ACSM3: variants seen among roughly 807,000 people sequenced by gnomAD.
ACSM3 encodes acyl-coenzyme A synthetase ACSM3, mitochondrial.
In ACSM3, 61 loss-of-function variants were observed where a neutral mutation model predicts 74.1. The observed-to-expected ratio is 0.82, with a 90% CI of 0.67 to 1.02. The LOEUF (loss-of-function observed/expected upper bound fraction) is 1.02, where lower values mean the gene tolerates loss of function less well. ACSM3 is among the 50% of genes least tolerant of loss of function. The pLI is 0.00. For missense variants in ACSM3, 660 were observed against 697.0 expected, an observed-to-expected ratio of 0.95 and a Z score of 0.60; for synonymous variants, 213 against 241.5, an observed-to-expected ratio of 0.88 and a Z score of 1.09.
chr16:20,675,751 C>CA (rs1358592582), intron 1 of ACSM3, among the ~76,000 whole-genome samples: 1 of 152,142 alleles, frequency 6.6e-6, no homozygotes, highest in Non-Finnish European at 1.5e-5. Flanking sequence ...GGAAGACAGC[C>CA]AGGGCATTCA....
At chr16:20,740,472 G>A (rs1410736802) in intron 1 of ACSM3, among the ~76,000 whole-genome samples, 3 of 152,190 alleles carry the variant, frequency 2.0e-5, no homozygotes, top group African/African-American at 7.2e-5. Context: ...GCCCCCTAGT[G>A]CCCAACGAAA....
At chr16:20,734,033 G>A (rs950060783) in intron 1 of ACSM3, 12 of 152,164 alleles carry the variant, frequency 7.9e-5, no homozygotes, top group African/African-American at 2.9e-4. Context: ...CTTTTAATGA[G>A]TTCAGGTTAC....
chr16:20,725,366 T>G (rs2079801141), intron 1 of ACSM3: 1 of 245,948 alleles, frequency 4.1e-6, no homozygotes, highest in Admixed American at 4.1e-5. Flanking sequence ...ATCCAGACAC[T>G]TACCACTTAT....
Position 20,742,597 on chromosome 16 carries a change from C to T in ACSM3, c.-189-7313C>T, listed in dbSNP as rs538666533. Among the ~76,000 whole-genome samples the T allele has an allele frequency of 7.7e-4, 114 of 148,946 alleles. 2 individuals are homozygous for T. The highest frequency in any genetic ancestry group is 1.4e-3 in the Non-Finnish European group (95 of 67,562). On this transcript the variant is annotated intron_variant, in intron 1 of 3. Transcript: ENST00000561584. ...AGCGGCGGTTGCAGTAAGCCGAGAT[C>T]GTGCCATTGCACTCCAGCCTGGCAA... is the stretch of plus-strand genomic sequence containing the variant.
At chr16:20,792,561 A>G in intron 12 of ACSM3, 2 of 985,456 alleles carry the variant, frequency 2.0e-6, no homozygotes, top group Non-Finnish European at 2.4e-6. Context: ...TACGTACTAG[A>G]AAGAATTTGA....
chr16:20,716,215 G>C (rs568211940), intron 1 of ACSM3, among the ~76,000 whole-genome samples: 1 of 152,152 alleles, frequency 6.6e-6, no homozygotes, highest in South Asian at 2.1e-4. Context: ...GGGGTGGTTT[G>C]TTACTCAGTG....
intron 1 of ACSM3, chr16:20,733,106 GT>G (rs1360272186): frequency 2.0e-5 from 3 of 152,010 alleles, no homozygotes; most frequent in African/African-American, 7.3e-5. Context: ...TTAAGTTTTT[GT>G]TTTCTACTTA....
intron 1 of ACSM3, chr16:20,691,047 C>T: frequency 6.2e-7 from 1 of 1,613,768 alleles, no homozygotes; most frequent in Non-Finnish European, 8.5e-7. Context: ...AAGTTAAATT[C>T]CTCCGGTACT....
intron 1 of ACSM3, among the ~76,000 whole-genome samples, chr16:20,727,043 A>C (rs957253112): frequency 6.6e-6 from 1 of 152,194 alleles, no homozygotes; most frequent in African/African-American, 2.4e-5. Context: ...GGCTTGTAAT[A>C]AGCACTTAGT....
chr16:20,745,774 C>G (rs901048061), intron 1 of ACSM3, among the ~76,000 whole-genome samples: 37 of 152,164 alleles, frequency 2.4e-4, no homozygotes, highest in African/African-American at 8.4e-4. Context: ...TTCTGTTTCT[C>G]TTCCTAACCT....
At chr16:20,778,281 C>T (rs371422105) in intron 4 of ACSM3, among the ~76,000 whole-genome samples, 3 of 152,184 alleles carry the variant, frequency 2.0e-5, no homozygotes, top group African/African-American at 4.8e-5. Flanking sequence ...TTGCCAGGTA[C>T]TGGTTATGCC....
chr16:20,724,097 AT>A (rs2079796259), intron 1 of ACSM3, among the ~76,000 whole-genome samples: 1 of 152,136 alleles, frequency 6.6e-6, no homozygotes, highest in Non-Finnish European at 1.5e-5. Context: ...CTTTCTACAT[AT>A]GGCTAGCCAG....
At chr16:20,739,175 GAT>G in intron 1 of ACSM3, 1 of 1,066,136 alleles carries the variant, frequency 9.4e-7, no homozygotes, top group Non-Finnish European at 1.3e-6. Flanking sequence ...GCTCAGTATT[GAT>G]TTTTTTTTTT....
intron 1 of ACSM3, among the ~76,000 whole-genome samples, chr16:20,719,567 G>C (rs2079778377): frequency 6.6e-6 from 1 of 152,080 alleles, no homozygotes; most frequent in Non-Finnish European, 1.5e-5. Context: ...GGCGGGGTGG[G>C]GGAAACAACT....
upstream of ACSM3, among the ~76,000 whole-genome samples, chr16:20,761,408 C>G (rs989621147): frequency 6.6e-6 from 1 of 152,214 alleles, no homozygotes; most frequent in African/African-American, 2.4e-5. Context: ...AGACCTGTCT[C>G]AGATACTTTT....
chr16:20,775,714 C>A, intron 2 of ACSM3, 125 bp from the exon 3 acceptor site: 5 of 921,328 alleles, frequency 5.4e-6, no homozygotes, highest in Non-Finnish European at 8.5e-6. Context: ...TTTCCAAATT[C>A]TCCATCCATG....
At chr16:20,684,760 G>A (rs2079515841) in intron 1 of ACSM3, among the ~76,000 whole-genome samples, 3 of 152,268 alleles carry the variant, frequency 2.0e-5, no homozygotes, top group East Asian at 3.9e-4. Flanking sequence ...GAAAGAGAGA[G>A]GGAGAGAGTG....
chr16:20,739,552 G>A (rs1435140874), intron 1 of ACSM3, among the ~76,000 whole-genome samples: 2 of 152,118 alleles, frequency 1.3e-5, no homozygotes, highest in Admixed American at 6.5e-5. Flanking sequence ...CGGAAGTGGT[G>A]GCTCATGCCC....
chr16:20,734,718 G>A (rs1320298632), intron 1 of ACSM3: 1 of 152,138 alleles, frequency 6.6e-6, no homozygotes, highest in Non-Finnish European at 1.5e-5. Flanking sequence ...CCCAAAAAGA[G>A]GCCTTGAAAA....
Sources: allele counts gnomAD v4.1 joint callset (sites outside exome capture counted in the v4.1 genomes callset), GRCh38; gene constraint gnomAD v4.1.1; transcripts MANE v1.5; gene names NCBI Gene and HGNC (gene_info 2026-07-23, HGNC 2026-07-21).